Variants in ZNF883 observed in about 807,000 individuals in gnomAD.
ZNF883 encodes the protein zinc finger protein 883.
intron 1 of ZNF883, among the ~76,000 whole-genome samples, chr9:112,988,386 G>C (rs12236337): frequency 0.13 from 19,986 of 152,124 alleles, 1,705 homozygotes; most frequent in Non-Finnish European, 0.17. Context: ...TTATAAGTGA[G>C]AACACACAGT....
chr9:112,996,798 A>G (rs1410880616), downstream of ZNF883, among the ~76,000 whole-genome samples: 2 of 94,232 alleles, frequency 2.1e-5, no homozygotes, highest in African/African-American at 9.8e-5. Flanking sequence ...CTCAAAAAAA[A>G]AAAAAAAAAA....
intron 2 of ZNF883, among the ~76,000 whole-genome samples, chr9:113,006,533 C>G (rs1047587028): frequency 3.3e-5 from 5 of 152,152 alleles, no homozygotes; most frequent in Non-Finnish European, 7.3e-5. Context: ...GCCAAGACCC[C>G]ACTTGGCCTC....
At chr9:113,010,024 A>T (rs890034747) in intron 2 of ZNF883, among the ~76,000 whole-genome samples, 1 of 152,234 alleles carries the variant, frequency 6.6e-6, no homozygotes, top group Non-Finnish European at 1.5e-5. Flanking sequence ...CCTCATGCTC[A>T]GTTGAGGAAC....
exon 1 of ZNF883, chr9:112,997,307 T>C (rs1828370716): frequency 1.2e-6 from 2 of 1,614,196 alleles, no homozygotes. Flanking sequence ...GTAGGGTTTC[T>C]CTCCTGTATG....
At chr9:113,001,636 A>G (rs898747483), upstream of ZNF883, among the ~76,000 whole-genome samples, 3 of 152,138 alleles carry the variant, frequency 2.0e-5, no homozygotes, top group African/African-American at 7.2e-5. Context: ...TCTTATTTAC[A>G]AGGATTCCTG....
intron 2 of ZNF883, among the ~76,000 whole-genome samples, chr9:113,003,774 CA>C (rs1054050083): frequency 2.2e-4 from 34 of 152,230 alleles, no homozygotes; most frequent in African/African-American, 7.9e-4. Flanking sequence ...AGTAATTTAA[CA>C]AAAGGGCAGA....
At chr9:113,001,132 C>T (rs1828417622), upstream of ZNF883, among the ~76,000 whole-genome samples, 1 of 151,906 alleles carries the variant, frequency 6.6e-6, no homozygotes, top group African/African-American at 2.4e-5. Context: ...ATAATTTTAG[C>T]AGAAGACAAG....
At chr9:112,997,105 G>T, downstream of ZNF883, 1 of 1,567,062 alleles carries the variant, frequency 6.4e-7, no homozygotes. Context: ...CTGACTGCAG[G>T]CTTTCCCACA....
At chr9:113,005,403 A>G (rs190947039) in intron 2 of ZNF883, among the ~76,000 whole-genome samples, 206 of 152,320 alleles carry the variant, frequency 1.4e-3, no homozygotes, top group African/African-American at 4.8e-3. Context: ...CAAACGATCA[A>G]TATACAAAAA....
intron 2 of ZNF883, among the ~76,000 whole-genome samples, chr9:113,010,109 C>T (rs1462828736): frequency 6.6e-6 from 1 of 152,168 alleles, no homozygotes; most frequent in East Asian, 1.9e-4. Context: ...TTGTGTTATT[C>T]ACTGTTATAT....
downstream of ZNF883, among the ~76,000 whole-genome samples, chr9:112,993,486 G>A (rs376943372): frequency 6.4e-4 from 98 of 152,298 alleles, 1 homozygote; most frequent in Admixed American, 4.2e-3. Context: ...TCCTGTATAC[G>A]GTGTCTGGTG....
At chr9:113,004,444 C>G (rs541530026) in intron 2 of ZNF883, among the ~76,000 whole-genome samples, 1 of 151,866 alleles carries the variant, frequency 6.6e-6, no homozygotes, top group African/African-American at 2.4e-5. Flanking sequence ...AATTTTAACC[C>G]CTGAGGTAAT....
chr9:112,996,002 ATAT>A (rs1388556622), downstream of ZNF883, among the ~76,000 whole-genome samples: 3 of 151,910 alleles, frequency 2.0e-5, no homozygotes, highest in African/African-American at 7.3e-5. Context: ...CTTTGGATTT[ATAT>A]TATTCTTTTT....
At chr9:113,005,889 A>C (rs1310572810) in intron 2 of ZNF883, among the ~76,000 whole-genome samples, 1 of 152,146 alleles carries the variant, frequency 6.6e-6, no homozygotes, top group Non-Finnish European at 1.5e-5. Flanking sequence ...TACTTGAATG[A>C]GTGCATGAAC....
chr9:113,003,945 A>T (rs1338149156), intron 2 of ZNF883, among the ~76,000 whole-genome samples: 1 of 95,980 alleles, frequency 1.0e-5, no homozygotes, highest in Non-Finnish European at 2.1e-5. Context: ...GGTATGTTGT[A>T]ATCCTAACAG....
At chr9:112,993,325 A>C (rs1334382896), downstream of ZNF883, among the ~76,000 whole-genome samples, 1 of 151,954 alleles carries the variant, frequency 6.6e-6, no homozygotes, top group Non-Finnish European at 1.5e-5. Flanking sequence ...GTCAGGTTCC[A>C]CTCCCATAGG....
At chr9:113,001,501 C>T (rs1341171423), upstream of ZNF883, among the ~76,000 whole-genome samples, 1 of 152,060 alleles carries the variant, frequency 6.6e-6, no homozygotes, top group East Asian at 1.9e-4. Flanking sequence ...GTTGCTTCTA[C>T]TAGATGAATG....
downstream of ZNF883, among the ~76,000 whole-genome samples, chr9:112,996,829 T>C (rs1828362217): frequency 6.8e-6 from 1 of 146,920 alleles, no homozygotes; most frequent in Non-Finnish European, 1.5e-5. Flanking sequence ...AAAAAAGTTT[T>C]TTTATAAGCA....
intron 2 of ZNF883, among the ~76,000 whole-genome samples, chr9:113,009,383 GC>G (rs1828509136): frequency 6.6e-6 from 1 of 152,110 alleles, no homozygotes; most frequent in Non-Finnish European, 1.5e-5. Flanking sequence ...TGGCCACGTG[GC>G]CTTCCTGATG....
Sources: gnomAD v4.1 joint callset for allele counts (sites outside exome capture counted in the v4.1 genomes callset) on GRCh38, gnomAD v4.1.1 for gene constraint, MANE v1.5 for transcripts, NCBI Gene and HGNC (gene_info 2026-07-23, HGNC 2026-07-21) for gene names.